Variants in FRY observed in about 807,000 individuals in gnomAD.
FRY encodes the protein protein furry homolog.
A neutral mutation model predicts 348.4 loss-of-function variants in FRY; 128 were observed. That is an observed-to-expected ratio of 0.37 (90% CI 0.32 to 0.43). FRY has a LOEUF of 0.43. Among genes scored for constraint, FRY ranks in the 20% least tolerant of loss-of-function variants. The pLI is 1.00. For synonymous variants in FRY, 1,370 were observed against 1,374.7 expected (o/e 1.00, Z 0.08); for missense variants, 2,736 against 3,695.2 (o/e 0.74, Z 6.73).
At chr13:32,148,173 A>G (rs890965882) in intron 13 of FRY, among the ~76,000 whole-genome samples, 2 of 152,222 alleles carry the variant, frequency 1.3e-5, no homozygotes, top group African/African-American at 4.8e-5. Context: ...GAAGAAACAG[A>G]GACAGAGTTT....
intron 23 of FRY, among the ~76,000 whole-genome samples, chr13:32,182,758 T>C (rs1319007514): frequency 2.6e-5 from 4 of 152,216 alleles, no homozygotes; most frequent in Non-Finnish European, 1.5e-5. Flanking sequence ...GCCAGAATTA[T>C]ATGCATAGCA....
At chr13:32,149,465 G>A (rs1880662502) in intron 13 of FRY, among the ~76,000 whole-genome samples, 1 of 51,702 alleles carries the variant, frequency 1.9e-5, no homozygotes, top group Non-Finnish European at 3.2e-5. Context: ...TATTTGATTT[G>A]TGGGGGGGGG....
At position 32,237,264 on chromosome 13, in the gene FRY, G is replaced by A. The variant is rs1041284772; in HGVS notation, c.5811-115G>A. ...ATAAGGAAAAATAAATGAATAGAAA[G>A]TGGCATTTCTAAAGAATGATTTCCC... On this transcript the variant is annotated intron_variant, in intron 43 of 60. Transcript: ENST00000542859. The surrounding 1 kb of genome is among the most constrained non-coding windows in gnomAD (Gnocchi z 6.3). 7 of 985,600 alleles carry A rather than the reference G, an allele frequency of 7.1e-6. No individual in the cohort carries two copies. Among genetic ancestry groups the A allele is most frequent in the Non-Finnish European group, 9.4e-6 (6 of 640,128 alleles). 61.1% of individuals were successfully genotyped at this position (985,600 alleles called of 1,614,324 possible). A position where few individuals can be genotyped will look rare whatever the true frequency, so the allele number is the denominator to read the frequency against.
intron 17 of FRY, among the ~76,000 whole-genome samples, chr13:32,162,473 C>T (rs1393572966): frequency 2.6e-5 from 4 of 152,114 alleles, no homozygotes; most frequent in Admixed American, 2.6e-4. Flanking sequence ...GGTCATGGTC[C>T]TCTCTTACGT....
intron 31 of FRY, among the ~76,000 whole-genome samples, chr13:32,207,950 A>T (rs1884450307): frequency 6.6e-6 from 1 of 152,234 alleles, no homozygotes; most frequent in African/African-American, 2.4e-5. Context: ...TATGAGAGAT[A>T]GGAGATTACA....
intron 1 of FRY, among the ~76,000 whole-genome samples, chr13:32,050,852 G>A (rs1326326357): frequency 6.6e-6 from 1 of 152,228 alleles, no homozygotes. Flanking sequence ...ACAACAGGTT[G>A]TAAACCTTAC....
At chr13:32,081,133 G>A (rs1425085358) in intron 2 of FRY, among the ~76,000 whole-genome samples, 4 of 152,130 alleles carry the variant, frequency 2.6e-5, no homozygotes, top group Non-Finnish European at 5.9e-5. Context: ...TTTAATAGAA[G>A]TAGACATTTT....
chr13:32,255,903 G>A (rs1289496864), intron 51 of FRY, among the ~76,000 whole-genome samples: 1 of 152,148 alleles, frequency 6.6e-6, no homozygotes, highest in Non-Finnish European at 1.5e-5. Context: ...GTTTCCCTCT[G>A]GAAGTTATAC....
intron 31 of FRY, among the ~76,000 whole-genome samples, chr13:32,205,533 G>A (rs1884305001): frequency 6.6e-6 from 1 of 152,152 alleles, no homozygotes; most frequent in African/African-American, 2.4e-5. Context: ...ATAACGTGCA[G>A]GAACAGGAAA....
At chr13:32,273,336 C>G (rs953281908) in intron 55 of FRY, among the ~76,000 whole-genome samples, 20 of 151,820 alleles carry the variant, frequency 1.3e-4, no homozygotes, top group Non-Finnish European at 2.4e-4. Flanking sequence ...CATTCTCCTG[C>G]CTCAGCCTCC....
chr13:32,234,484 C>A, intron 41 of FRY, 90 bp from the exon 42 acceptor site: 1 of 1,106,578 alleles, frequency 9.0e-7, no homozygotes, highest in Non-Finnish European at 1.4e-6. Flanking sequence ...AGCCCTGTGC[C>A]GTTAGCCTGT....
rs34413710 is a variant in FRY at position 32,133,768 on chromosome 13, C to CTTTTTTTTTTTT, written c.886-1125_886-1114dup. Among the ~76,000 whole-genome samples, 389 of 89,256 alleles carry CTTTTTTTTTTTT rather than the reference C, an allele frequency of 4.4e-3. 1 individual carries two copies. Among genetic ancestry groups the CTTTTTTTTTTTT allele is most frequent in the African/African-American group, 4.9e-3 (114 of 23,048 alleles). 58.6% of individuals were successfully genotyped at this position (89,256 alleles called of 152,430 possible). On this transcript the variant is annotated intron_variant, in intron 8 of 60. Transcript: ENST00000542859. ...CTTTCTTTTCTTTCTTTCTTTCTTT[C>CTTTTTTTTTTTT]TTTTTTTTTTTTTTTTTTTTTTGAA...
chr13:32,288,446 G>A (rs1446061587), intron 58 of FRY, among the ~76,000 whole-genome samples: 1 of 152,122 alleles, frequency 6.6e-6, no homozygotes, highest in African/African-American at 2.4e-5. Flanking sequence ...GGAAGAGCTG[G>A]GAAGAGAAAG....
At chr13:32,168,352 C>T (rs2138202448) in intron 17 of FRY, among the ~76,000 whole-genome samples, 1 of 152,274 alleles carries the variant, frequency 6.6e-6, no homozygotes, top group East Asian at 1.9e-4. Flanking sequence ...TGAGGCCCAC[C>T]CACATGAGGG....
chr13:32,121,953 G>A (rs889041650), intron 4 of FRY, among the ~76,000 whole-genome samples: 15 of 152,182 alleles, frequency 9.9e-5, no homozygotes. Context: ...GTTGATTTTT[G>A]TATAAGGTGA....
At chr13:32,146,356 A>G (rs1880454147) in intron 11 of FRY, among the ~76,000 whole-genome samples, 1 of 151,912 alleles carries the variant, frequency 6.6e-6, no homozygotes, top group South Asian at 2.1e-4. Context: ...GTTTTTTTTG[A>G]GACAGAGTCT....
intron 27 of FRY, among the ~76,000 whole-genome samples, chr13:32,187,325 T>C (rs893673982): frequency 2.6e-5 from 4 of 152,184 alleles, no homozygotes; most frequent in African/African-American, 9.6e-5. Context: ...TCCACAAAGG[T>C]AAACTTATGG....
intron 58 of FRY, among the ~76,000 whole-genome samples, chr13:32,285,639 TAAA>T (rs920566172): frequency 6.6e-6 from 1 of 152,188 alleles, no homozygotes; most frequent in Non-Finnish European, 1.5e-5. Context: ...TGGAAAGCAA[TAAA>T]AAGCCGTTTT....
Position 32,268,508 on chromosome 13 carries a change from ATATATATATATATATAT to A in FRY, c.8136+1150_8136+1166del, listed in dbSNP as rs1888052365. Among the ~76,000 whole-genome samples the A allele has an allele frequency of 7.3e-4, 15 of 20,688 alleles. No individual in the cohort carries two copies. The Admixed American group carries it at 0.011, about 15-fold the overall frequency. The allele number at this position is 20,688 out of a possible 152,430, so 13.6% of individuals were successfully genotyped here. A position where few individuals can be genotyped will look rare whatever the true frequency, so the allele number is the denominator to read the frequency against. ...GTTTAAAAAAAAAAAAAAAAAAAAT[ATATATATATATATATAT>A]ATATATATATATATCTAGATTAGTA... On this transcript the variant is annotated intron_variant, in intron 55 of 60. Transcript: ENST00000542859.
Sources: allele counts gnomAD v4.1 joint callset (sites outside exome capture counted in the v4.1 genomes callset), GRCh38; gene constraint gnomAD v4.1.1; non-coding constraint Gnocchi (gnomAD v3.1); transcripts MANE v1.5; gene names NCBI Gene and HGNC (gene_info 2026-07-23, HGNC 2026-07-21).